The following ST6GAL1 variants were observed in gnomAD, a reference collection of about 807,000 sequenced individuals.
ST6GAL1 encodes beta-galactoside alpha-2,6-sialyltransferase 1.
A neutral mutation model predicts 38.0 loss-of-function variants in ST6GAL1; 20 were observed. The ratio of observed to expected loss-of-function variants is 0.53; its 90% CI spans 0.37 to 0.77. The LOEUF (loss-of-function observed/expected upper bound fraction) is 0.77. Ranked by LOEUF, ST6GAL1 falls within the 30% of genes least tolerant of loss-of-function variation. The probability of loss-of-function intolerance (pLI) is 0.00; values close to 1 mark genes in which losing one functional copy is unlikely to be tolerated. For synonymous variants in ST6GAL1, 196 were observed against 188.2 expected, an observed-to-expected ratio of 1.04 and a Z score of -0.34; for missense variants, 432 against 496.4, an observed-to-expected ratio of 0.87 and a Z score of 1.23.
At chr3:186,983,242 G>A (rs1715753115) in intron 2 of ST6GAL1, among the ~76,000 whole-genome samples, 2 of 152,168 alleles carry the variant, frequency 1.3e-5, no homozygotes, top group South Asian at 4.1e-4. Context: ...GGGATACAGT[G>A]ATAATTATTA....
Position 186,995,203 on chromosome 3 carries a change from A to G in ST6GAL1, c.-183+31277A>G, listed in dbSNP as rs563151037. On this transcript the variant is annotated intron_variant, in intron 2 of 7. Transcript: ENST00000169298. ...TAAAATCCAAGTGCAATAGATTGATAAGACCTTTAAGATTGTTAAAATGGG... is the reference window on the plus strand; with the variant it reads ...TAAAATCCAAGTGCAATAGATTGATGAGACCTTTAAGATTGTTAAAATGGG... Among the ~76,000 whole-genome samples, 122 of 152,144 alleles carry G rather than the reference A, an allele frequency of 8.0e-4. 2 individuals are homozygous for G. In the South Asian group the frequency reaches 0.025, roughly 31 times the overall value.
At chr3:186,990,158 C>T (rs1291740820) in intron 2 of ST6GAL1, among the ~76,000 whole-genome samples, 1 of 152,224 alleles carries the variant, frequency 6.6e-6, no homozygotes, top group Admixed American at 6.5e-5. Flanking sequence ...CTTGGCCTCC[C>T]CAGTGGCTGG....
chr3:186,931,796 C>A (rs970485568), intron 1 of ST6GAL1, among the ~76,000 whole-genome samples: 1 of 152,220 alleles, frequency 6.6e-6, no homozygotes, highest in African/African-American at 2.4e-5. Flanking sequence ...AATGCATTTT[C>A]GCAAGCAAGG....
chr3:187,067,190 G>A lies in ST6GAL1; in HGVS notation c.706-5659G>A, dbSNP rs538741388. Among the ~76,000 whole-genome samples, 8 of 142,834 alleles carry A rather than the reference G, an allele frequency of 5.6e-5. No individual in the cohort carries two copies. In the South Asian group the frequency reaches 1.9e-3, roughly 34 times the overall value. 93.7% of individuals were successfully genotyped at this position (142,834 alleles called of 152,430 possible). ...CAACCTCTGCCTCCGGGGTTCAAGC[G>A]ATTCTCCTGCCTCAGCCTTCTGAGT... On this transcript the variant is annotated intron_variant, in intron 5 of 7. Coordinates refer to ENST00000169298, the MANE Select transcript of ST6GAL1 (RefSeq NM_173216.2).
intron 1 of ST6GAL1, among the ~76,000 whole-genome samples, chr3:186,940,529 G>A (rs1233994404): frequency 6.6e-6 from 1 of 152,240 alleles, no homozygotes. Flanking sequence ...TGTAGCCCAG[G>A]ATGGCTTTGA....
chr3:186,940,881 A>G (rs1193902689), intron 1 of ST6GAL1, among the ~76,000 whole-genome samples: 9 of 152,094 alleles, frequency 5.9e-5, no homozygotes, highest in Non-Finnish European at 1.3e-4. Context: ...ATTCCCATAA[A>G]AATATATTTC....
chr3:186,936,527 G>C (rs1313451244), intron 1 of ST6GAL1, among the ~76,000 whole-genome samples: 3 of 152,158 alleles, frequency 2.0e-5, no homozygotes, highest in Non-Finnish European at 4.4e-5. Flanking sequence ...GCATTGAGCA[G>C]TACAGTTTCA....
At chr3:187,054,793 C>T (rs1044611693) in intron 5 of ST6GAL1, among the ~76,000 whole-genome samples, 4 of 152,156 alleles carry the variant, frequency 2.6e-5, no homozygotes, top group Admixed American at 2.6e-4. Flanking sequence ...ACTTTGGTAT[C>T]AGGATGATAC....
At chr3:187,073,028 C>A in intron 6 of ST6GAL1, 81 bp downstream of exon 6, 1 of 1,116,332 alleles carries the variant, frequency 9.0e-7, no homozygotes, top group Non-Finnish European at 1.4e-6. Context: ...TTTTTAAAGT[C>A]ATGGCTGACA....
intron 2 of ST6GAL1, among the ~76,000 whole-genome samples, chr3:187,022,404 AG>A: frequency 6.6e-6 from 1 of 152,228 alleles, no homozygotes; most frequent in East Asian, 1.9e-4. Flanking sequence ...ACAAGTCTTA[AG>A]TGCGTTTTAG....
chr3:187,061,769 A>C (rs1057299282), intron 5 of ST6GAL1, among the ~76,000 whole-genome samples: 1 of 152,226 alleles, frequency 6.6e-6, no homozygotes, highest in Non-Finnish European at 1.5e-5. Context: ...AAACTCTTAG[A>C]AGACAACATA....
Position 187,026,040 on chromosome 3 carries a change from G to A in ST6GAL1, c.-182-12702G>A, listed in dbSNP as rs113228292. ...CTCCCCACCATGAGCCATGCAGGTG[G>A]GCCTGTCCTCAGGTAAACACTTGCC... On this transcript the variant is annotated intron_variant, in intron 2 of 7. Coordinates refer to ENST00000169298, the MANE Select transcript of ST6GAL1 (RefSeq NM_173216.2). Among the ~76,000 whole-genome samples the A allele has an allele frequency of 5.2e-3, 797 of 152,234 alleles. 3 individuals carry two copies. The highest frequency in any genetic ancestry group is 8.6e-3 in the Non-Finnish European group (583 of 68,006).
intron 1 of ST6GAL1, among the ~76,000 whole-genome samples, chr3:186,950,014 A>G (rs1308141013): frequency 1.3e-5 from 2 of 152,216 alleles, no homozygotes; most frequent in African/African-American, 4.8e-5. Flanking sequence ...CTGTGAATAG[A>G]AAGAGAAATG....
At chr3:187,064,358 T>A (rs181867666) in intron 5 of ST6GAL1, among the ~76,000 whole-genome samples, 100 of 152,328 alleles carry the variant, frequency 6.6e-4, no homozygotes, top group Non-Finnish European at 1.0e-3. Flanking sequence ...GAAACTCTCC[T>A]GGGCAGCATC....
At chr3:186,943,115 T>C (rs781257153) in intron 1 of ST6GAL1, among the ~76,000 whole-genome samples, 1 of 152,220 alleles carries the variant, frequency 6.6e-6, no homozygotes, top group Non-Finnish European at 1.5e-5. Flanking sequence ...GTGATAAATA[T>C]TATGATTTGG....
intron 2 of ST6GAL1, among the ~76,000 whole-genome samples, chr3:186,975,842 A>C (rs1417755516): frequency 6.6e-6 from 1 of 152,190 alleles, no homozygotes; most frequent in African/African-American, 2.4e-5. Context: ...GATTGGGACT[A>C]GGGTGAGACC....
At chr3:187,048,881 T>A (rs377579974) in intron 4 of ST6GAL1, among the ~76,000 whole-genome samples, 2 of 7,724 alleles carry the variant, frequency 2.6e-4, no homozygotes, top group African/African-American at 8.8e-4. Flanking sequence ...AGAAATTGAA[T>A]TTTTTTTTTT....
intron 5 of ST6GAL1, among the ~76,000 whole-genome samples, chr3:187,055,477 A>C (rs1243246471): frequency 6.6e-6 from 1 of 152,110 alleles, no homozygotes; most frequent in Non-Finnish European, 1.5e-5. Flanking sequence ...ATGGCTTTAA[A>C]TGTGTCCCAG....
intron 2 of ST6GAL1, among the ~76,000 whole-genome samples, chr3:187,011,848 T>C (rs1716964529): frequency 6.6e-6 from 1 of 152,234 alleles, no homozygotes. Context: ...AGGGAACTAA[T>C]TCAAATTGCT....
Sources: allele counts gnomAD v4.1 joint callset (sites outside exome capture counted in the v4.1 genomes callset), GRCh38; gene constraint gnomAD v4.1.1; transcripts MANE v1.5; gene names NCBI Gene and HGNC (gene_info 2026-07-23, HGNC 2026-07-21).